Variants in GALNT13 observed in about 807,000 individuals in gnomAD.
GALNT13 encodes UDP-GalNAc:polypeptide N-acetylgalactosaminyltransferase 13.
In GALNT13, 28 loss-of-function variants were observed where a neutral mutation model predicts 64.2. The ratio of observed to expected loss-of-function variants is 0.44; its 90% confidence interval spans 0.32 to 0.60. The LOEUF is 0.60. GALNT13 is among the 20% of genes least tolerant of loss of function. GALNT13 has a pLI of 0.05. For missense variants in GALNT13, 577 were observed against 669.8 expected, an observed-to-expected ratio of 0.86 and a Z score of 1.53; for synonymous variants, 214 against 224.6, an observed-to-expected ratio of 0.95 and a Z score of 0.42.
chr2:154,308,066 T>C (rs1286601645), intron 9 of GALNT13, among the ~76,000 whole-genome samples: 13 of 152,140 alleles, frequency 8.5e-5, no homozygotes, highest in Non-Finnish European at 1.2e-4. Context: ...CTTCCTTTAC[T>C]TGATGGACAC....
chr2:154,255,320 G>C (rs920621154), intron 7 of GALNT13, among the ~76,000 whole-genome samples: 1 of 152,146 alleles, frequency 6.6e-6, no homozygotes, highest in African/African-American at 2.4e-5. Flanking sequence ...AAGTTGCTAA[G>C]GGGGTATGTA....
chr2:153,942,509 A>G (rs540565782), intron 2 of GALNT13, among the ~76,000 whole-genome samples: 2 of 152,292 alleles, frequency 1.3e-5, no homozygotes, highest in Admixed American at 1.3e-4. Context: ...GGTAACAGGA[A>G]ATAAATATGG....
intron 3 of GALNT13, among the ~76,000 whole-genome samples, chr2:154,070,579 C>A (rs1413929817): frequency 2.0e-5 from 3 of 152,076 alleles, no homozygotes; most frequent in Admixed American, 2.0e-4. Flanking sequence ...GATCTACTAT[C>A]TTCTCCTCTT....
chr2:153,881,958 G>A (rs902211051), intron 1 of GALNT13, among the ~76,000 whole-genome samples: 3 of 152,118 alleles, frequency 2.0e-5, no homozygotes, highest in Admixed American at 2.0e-4. Context: ...TAATAATTTT[G>A]TTGGCTCTTG....
the GALNT13 span, among the ~76,000 whole-genome samples, chr2:153,132,931 C>T: frequency 3.9e-4 from 60 of 152,190 alleles, no homozygotes; most frequent in African/African-American, 1.4e-3. Flanking sequence ...CCATGTTACC[C>T]AGGCTGGTCT....
At chr2:154,127,189 TAAAG>T (rs1034053143) in intron 3 of GALNT13, among the ~76,000 whole-genome samples, 3 of 152,068 alleles carry the variant, frequency 2.0e-5, no homozygotes, top group African/African-American at 7.2e-5. Context: ...GTAGCATGAA[TAAAG>T]AGCCACTAAG....
At chr2:154,073,425 A>G (rs1219009295) in intron 3 of GALNT13, among the ~76,000 whole-genome samples, 1 of 152,012 alleles carries the variant, frequency 6.6e-6, no homozygotes, top group Non-Finnish European at 1.5e-5. Context: ...TGGTAAGTCA[A>G]ACTTTCAAGT....
the GALNT13 span, among the ~76,000 whole-genome samples, chr2:153,634,585 C>G: frequency 7.7e-6 from 1 of 130,706 alleles, no homozygotes; most frequent in South Asian, 2.6e-4. Context: ...GAGTCTCGCT[C>G]TGTCACCCAG....
At position 154,218,954 on chromosome 2, in the gene GALNT13, T is replaced by A. The variant is rs192148724; in HGVS notation, c.312-23076T>A. On this transcript the variant is annotated intron_variant, in intron 4 of 12. Transcript: ENST00000392825. The stretch of plus-strand genomic sequence containing the variant: ...TCAGAGTGTGCCCTACAGTTATGCC[T>A]AAGTGCTCTCTTTTGACTCTCCCAT... 7.3e-4 allele frequency among the ~76,000 whole-genome samples: 111 copies of A among 152,170 alleles called. 1 individual carries two copies. Among genetic ancestry groups the A allele is most frequent in the Non-Finnish European group, 2.1e-4 (14 of 67,992 alleles).
At chr2:154,084,990 T>C (rs1050684481) in intron 3 of GALNT13, among the ~76,000 whole-genome samples, 2 of 151,902 alleles carry the variant, frequency 1.3e-5, no homozygotes, top group Non-Finnish European at 2.9e-5. Flanking sequence ...TTTTTGGTCT[T>C]GTGCATGTTC....
chr2:153,669,222 G>T, the GALNT13 span, among the ~76,000 whole-genome samples: 1 of 152,142 alleles, frequency 6.6e-6, no homozygotes, highest in Non-Finnish European at 1.5e-5. Flanking sequence ...ATACCACTTT[G>T]TTAGCATGCA....
the GALNT13 span, among the ~76,000 whole-genome samples, chr2:153,580,455 C>T: frequency 2.0e-5 from 3 of 152,008 alleles, no homozygotes; most frequent in Non-Finnish European, 4.4e-5. Context: ...AGCTGAGGGA[C>T]TTCAGAATAT....
chr2:154,248,321 T>C (rs1018134406), intron 7 of GALNT13, among the ~76,000 whole-genome samples: 1 of 151,230 alleles, frequency 6.6e-6, no homozygotes, highest in African/African-American at 2.4e-5. Context: ...TCATAATAAA[T>C]GGAGTTTGTG....
At chr2:153,995,314 A>G (rs1297124603) in intron 3 of GALNT13, among the ~76,000 whole-genome samples, 1 of 152,154 alleles carries the variant, frequency 6.6e-6, no homozygotes, top group African/African-American at 2.4e-5. Context: ...CATTTTAATT[A>G]AAACATTTAT....
rs143405594 is a variant in GALNT13, at chr2:154,429,942, T to C, written c.1396-8650T>C. The stretch of plus-strand genomic sequence containing the variant: ...GATTATAGCACATCTGTTTGCAACA[T>C]GGTGTACTAAATATTTTAAGCCCAC... On this transcript the variant is annotated intron_variant, in intron 11 of 12. Transcript: ENST00000392825. Among the ~76,000 whole-genome samples the C allele has an allele frequency of 3.0e-3, 452 of 152,324 alleles. 2 individuals carry two copies. Among genetic ancestry groups the C allele is most frequent in the African/African-American group, 9.9e-3 (410 of 41,576 alleles).
the GALNT13 span, among the ~76,000 whole-genome samples, chr2:153,561,153 T>C: frequency 6.8e-6 from 1 of 147,394 alleles, no homozygotes; most frequent in African/African-American, 2.6e-5. Context: ...TAAACTCTTA[T>C]TGTTTGCAGT....
chr2:154,407,731 C>T (rs1359158048), intron 10 of GALNT13, among the ~76,000 whole-genome samples: 2 of 151,906 alleles, frequency 1.3e-5, no homozygotes, highest in Non-Finnish European at 2.9e-5. Context: ...AATCTCAGCC[C>T]CTTGAAACAG....
At position 154,445,002 on chromosome 2, in the gene GALNT13, A is replaced by G. The variant is rs149141424; in HGVS notation, c.1531-5409A>G. On this transcript the variant is annotated intron_variant, in intron 12 of 12. Transcript: ENST00000392825. ...ATAAAATTATTAGAACATACATACA[A>G]TATTAATAATTGTTATCTTTTCAAA... is the stretch of plus-strand genomic sequence containing the variant. Among the ~76,000 whole-genome samples the G allele has an allele frequency of 2.9e-3, 442 of 152,172 alleles. 2 individuals are homozygous for G. Among genetic ancestry groups the G allele is most frequent in the African/African-American group, 9.6e-3 (399 of 41,552 alleles).
intron 2 of GALNT13, among the ~76,000 whole-genome samples, chr2:153,937,116 C>A (rs943520326): frequency 2.0e-5 from 3 of 152,132 alleles, no homozygotes; most frequent in African/African-American, 7.2e-5. Context: ...TATGATCAAG[C>A]AATTCTACAC....
Sources: gnomAD v4.1 joint callset for allele counts (sites outside exome capture counted in the v4.1 genomes callset) on GRCh38, gnomAD v4.1.1 for gene constraint, MANE v1.5 for transcripts, NCBI Gene and HGNC (gene_info 2026-07-23, HGNC 2026-07-21) for gene names.